Variants in LAMA2 observed in about 807,000 individuals in gnomAD.
LAMA2 encodes laminin subunit alpha-2.
In LAMA2, 269 loss-of-function variants were observed where a neutral mutation model predicts 364.8. The ratio of observed to expected loss-of-function variants is 0.74; its 90% confidence interval spans 0.67 to 0.82. LAMA2 has a LOEUF of 0.82. Among genes scored for constraint, LAMA2 ranks in the 40% least tolerant of loss-of-function variants. The probability of loss-of-function intolerance (pLI) is 0.00; values close to 1 mark genes in which losing one functional copy is unlikely to be tolerated. For synonymous variants in LAMA2, 1,379 were observed against 1,370.6 expected (o/e 1.01, Z -0.14); for missense variants, 3,807 against 3,873.2 (o/e 0.98, Z 0.45).
At chr6:129,132,168 CTTTTT>C (rs1179325141) in intron 4 of LAMA2, among the ~76,000 whole-genome samples, 2 of 140,132 alleles carry the variant, frequency 1.4e-5, no homozygotes, top group Non-Finnish European at 3.1e-5. Flanking sequence ...TGACCTTACT[CTTTTT>C]TTTTTTTTTT....
chr6:129,372,758 C>G (rs916952558), intron 34 of LAMA2, among the ~76,000 whole-genome samples: 1 of 152,170 alleles, frequency 6.6e-6, no homozygotes, highest in East Asian at 1.9e-4. Context: ...ATTTTGCATT[C>G]CCACCGGCAA....
In LAMA2 at chr6:128,961,318, GATAT is replaced by G. The variant is rs58772123; in HGVS notation, c.112+78008_112+78011del. Reference sequence around the variant, plus strand: ...TTCTGTAGAGGGACAGAACTAATATGATATATATATATATATATATATATATATA... The same window carrying G: ...TTCTGTAGAGGGACAGAACTAATATGATATATATATATATATATATATATA... On this transcript the variant is annotated intron_variant, in intron 1 of 64. Coordinates refer to ENST00000421865, the MANE Select transcript of LAMA2 (RefSeq NM_000426.4). 2.5e-3 allele frequency among the ~76,000 whole-genome samples: 144 copies of G among 57,634 alleles called. 1 individual carries two copies. The highest frequency in any genetic ancestry group is 3.4e-3 in the East Asian group (6 of 1,756). 37.8% of individuals were successfully genotyped at this position (57,634 alleles called of 152,430 possible).
At chr6:128,969,419 A>C (rs1329087885) in intron 1 of LAMA2, among the ~76,000 whole-genome samples, 1 of 152,112 alleles carries the variant, frequency 6.6e-6, no homozygotes, top group South Asian at 2.1e-4. Flanking sequence ...ATTTAGGTTA[A>C]TGATTCCTGT....
chr6:129,112,113 C>A (rs1662587330), intron 4 of LAMA2, among the ~76,000 whole-genome samples: 1 of 151,928 alleles, frequency 6.6e-6, no homozygotes, highest in Non-Finnish European at 1.5e-5. Context: ...AACCTGACAT[C>A]CACTTACAGC....
At chr6:129,205,064 G>A (rs1235215999) in intron 12 of LAMA2, among the ~76,000 whole-genome samples, 2 of 151,894 alleles carry the variant, frequency 1.3e-5, no homozygotes, top group Admixed American at 6.6e-5. Flanking sequence ...AATTGGTAGT[G>A]TGAATATACA....
At chr6:129,225,733 T>C (rs1784208930) in intron 12 of LAMA2, among the ~76,000 whole-genome samples, 1 of 152,202 alleles carries the variant, frequency 6.6e-6, no homozygotes, top group Admixed American at 6.5e-5. Flanking sequence ...TTACATTTGC[T>C]GAGGAGTGCT....
chr6:129,492,063 T>G lies in LAMA2; in HGVS notation c.8061T>G (p.Leu2687=). The G allele has an allele frequency of 2.5e-6, 4 of 1,613,824 alleles. No homozygotes were observed. The highest frequency in any genetic ancestry group is 3.4e-6 in the Non-Finnish European group (4 of 1,179,740). The change falls in exon 57 of 65, where the codon CTT becomes CTG. Residue 2687 remains leucine, a synonymous_variant. Transcript: ENST00000421865. ...IPPFEGCIWN[L]VINSVPMDFA... Reference sequence around the variant, plus strand: ...CTTTTGAAGGCTGCATATGGAATCTTGTTATTAACTCTGTGTAAGTGGATC... The same window carrying G: ...CTTTTGAAGGCTGCATATGGAATCTGGTTATTAACTCTGTGTAAGTGGATC...
intron 12 of LAMA2, among the ~76,000 whole-genome samples, chr6:129,246,567 C>T (rs1407449928): frequency 1.3e-5 from 2 of 152,134 alleles, no homozygotes; most frequent in East Asian, 1.9e-4. Context: ...ACTTGAATGA[C>T]GTTAGGGATC....
chr6:129,311,795 T>G (rs1774247424), intron 22 of LAMA2, among the ~76,000 whole-genome samples: 1 of 152,112 alleles, frequency 6.6e-6, no homozygotes, highest in African/African-American at 2.4e-5. Context: ...AGAAATAAAA[T>G]TATTCAAAAG....
At chr6:129,313,756 T>A (rs965754862) in intron 23 of LAMA2, among the ~76,000 whole-genome samples, 6 of 152,128 alleles carry the variant, frequency 3.9e-5, no homozygotes, top group Non-Finnish European at 8.8e-5. Flanking sequence ...ATAAAATCTA[T>A]GCAAAAAGGG....
intron 12 of LAMA2, among the ~76,000 whole-genome samples, chr6:129,197,037 A>G (rs1020508446): frequency 1.3e-5 from 2 of 152,180 alleles, no homozygotes. Flanking sequence ...TAACATTAAA[A>G]CAGAGATTTT....
chr6:129,195,249 T>C (rs1781766493), intron 12 of LAMA2, among the ~76,000 whole-genome samples: 1 of 152,216 alleles, frequency 6.6e-6, no homozygotes, highest in South Asian at 2.1e-4. Flanking sequence ...TCTCTTATAA[T>C]GGAGATGCCA....
intron 1 of LAMA2, among the ~76,000 whole-genome samples, chr6:128,976,683 G>A (rs1782549132): frequency 6.6e-6 from 1 of 152,126 alleles, no homozygotes. Flanking sequence ...GAATACTGTT[G>A]ACATTCCTGA....
chr6:129,020,218 G>C (rs987003324), intron 1 of LAMA2, among the ~76,000 whole-genome samples: 3 of 151,934 alleles, frequency 2.0e-5, no homozygotes, highest in African/African-American at 7.3e-5. Flanking sequence ...TTTTTCCTCT[G>C]GGATCCTGTC....
chr6:129,044,814 G>T (rs1787359882), intron 1 of LAMA2, among the ~76,000 whole-genome samples: 1 of 152,060 alleles, frequency 6.6e-6, no homozygotes. Flanking sequence ...GAGTTAAGAA[G>T]ATGTAAGTCA....
chr6:128,963,770 G>C (rs532862724), intron 1 of LAMA2, among the ~76,000 whole-genome samples: 2 of 152,176 alleles, frequency 1.3e-5, no homozygotes, highest in African/African-American at 4.8e-5. Flanking sequence ...AAGGAGAGAG[G>C]TTAAAACCAG....
chr6:129,295,798 T>A, intron 20 of LAMA2, among the ~76,000 whole-genome samples: 1 of 14,074 alleles, frequency 7.1e-5, no homozygotes, highest in Non-Finnish European at 1.5e-4. Flanking sequence ...TGTATATATA[T>A]ATGAGTGTGT....
chr6:129,387,423 G>T (rs958329887), intron 35 of LAMA2, among the ~76,000 whole-genome samples: 3 of 152,216 alleles, frequency 2.0e-5, no homozygotes, highest in Non-Finnish European at 1.5e-5. Context: ...TGGCAAGGCT[G>T]TGGAGAAGTA....
intron 1 of LAMA2, among the ~76,000 whole-genome samples, chr6:128,901,409 T>G (rs1048522220): frequency 2.6e-5 from 4 of 152,224 alleles, no homozygotes; most frequent in Admixed American, 6.5e-5. Context: ...TGCTTATTTT[T>G]TATTAAGCTA....
Sources: allele counts gnomAD v4.1 joint callset (sites outside exome capture counted in the v4.1 genomes callset), GRCh38; gene constraint gnomAD v4.1.1; transcripts MANE v1.5; gene names NCBI Gene and HGNC (gene_info 2026-07-23, HGNC 2026-07-21).